The following ANKRD46 variants were observed in gnomAD, a reference collection of about 807,000 sequenced individuals.
ANKRD46 encodes ankyrin repeat domain 46, also known as ankyrin repeat domain-containing protein 46.
In ANKRD46, 13 loss-of-function variants were observed where a neutral mutation model predicts 19.8. The observed-to-expected ratio is 0.66, with a 90% confidence interval of 0.43 to 1.04. The LOEUF is 1.04. Among genes scored for constraint, ANKRD46 ranks in the 50% least tolerant of loss-of-function variants. ANKRD46 has a pLI of 0.00. For missense variants in ANKRD46, 185 were observed against 274.8 expected, an observed-to-expected ratio of 0.67 and a Z score of 2.31; for synonymous variants, 91 against 106.9, an observed-to-expected ratio of 0.85 and a Z score of 0.92.
chr8:100,528,039 TAAAG>T, intron 3 of ANKRD46, 36 bp from the exon 4 acceptor site: 1 of 1,462,616 alleles, frequency 6.8e-7, no homozygotes, highest in Non-Finnish European at 9.0e-7. Context: ...TTTATAAAAA[TAAAG>T]AAGCCATCAT....
At chr8:100,542,650 T>C (rs959751243) in intron 1 of ANKRD46, among the ~76,000 whole-genome samples, 10 of 152,094 alleles carry the variant, frequency 6.6e-5, no homozygotes, top group African/African-American at 2.4e-4. Context: ...GAGTAGGAAG[T>C]ACATGCTTAG....
Position 100,521,866 on chromosome 8 carries a change from T to C in ANKRD46, c.*689A>G, listed in dbSNP as rs1398672921. 4 of 984,962 alleles carry C rather than the reference T, an allele frequency of 4.1e-6. No homozygotes were observed. The highest frequency in any genetic ancestry group is 4.8e-6 in the Non-Finnish European group (4 of 829,582). The allele number at this position is 984,962 out of a possible 1,614,324, so 61.0% of individuals were successfully genotyped here. Reference sequence around the variant, plus strand: ...TTGGAAAGTGAACAAAATGAACTCATTTATTTTTCACAGATATTAACAAGC... The same window carrying C: ...TTGGAAAGTGAACAAAATGAACTCACTTATTTTTCACAGATATTAACAAGC... On this transcript the variant is annotated 3_prime_UTR_variant, in exon 5 of 5. Transcript: ENST00000335659.
In ANKRD46 at chr8:100,544,611, G is replaced by A. The variant is rs578108063; in HGVS notation, c.-130-11300C>T. 7.2e-5 allele frequency among the ~76,000 whole-genome samples: 11 copies of A among 152,180 alleles called. No individual in the cohort carries two copies. The East Asian group carries it at 1.3e-3, about 19-fold the overall frequency. ...CTAAGTACTAGACACCAATCAAAAC[G>A]TTTGTATCTTAGGTCCTAACTCGGC... On this transcript the variant is annotated intron_variant, in intron 1 of 4. Coordinates refer to ENST00000335659, the MANE Select transcript of ANKRD46 (RefSeq NM_001270377.2). This position sits in a 1 kb window ranked among gnomAD's most constrained non-coding sequence, Gnocchi z 4.4.
chr8:100,529,120 G>C lies in ANKRD46; in HGVS notation c.311+403C>G, dbSNP rs1002220775. 2.0e-5 allele frequency among the ~76,000 whole-genome samples: 3 copies of C among 152,134 alleles called. No homozygotes were observed. The highest frequency in any genetic ancestry group is 2.0e-4 in the Admixed American group (3 of 15,276). ...ATCCTCTATAAACTGTGTGAACTTTGTCCAATCCTTTTTTGTCTTCACTAT... is the reference window on the plus strand; with the variant it reads ...ATCCTCTATAAACTGTGTGAACTTTCTCCAATCCTTTTTTGTCTTCACTAT... On this transcript the variant is annotated intron_variant, in intron 3 of 4. Coordinates refer to ENST00000335659, the MANE Select transcript of ANKRD46 (RefSeq NM_001270377.2). This position sits in a 1 kb window ranked among gnomAD's most constrained non-coding sequence, Gnocchi z 5.8.
chr8:100,518,590 G>A (rs1003677074), downstream of ANKRD46, among the ~76,000 whole-genome samples: 1 of 152,118 alleles, frequency 6.6e-6, no homozygotes, highest in Non-Finnish European at 1.5e-5. Flanking sequence ...GGTGGCTCAC[G>A]CCTGTAATCC....
chr8:100,530,477 G>A lies in ANKRD46; in HGVS notation c.-27-617C>T, dbSNP rs1396184289. On this transcript the variant is annotated intron_variant, in intron 2 of 4. Coordinates refer to ENST00000335659, the MANE Select transcript of ANKRD46 (RefSeq NM_001270377.2). ...TGGCTCACTGCAACCTCCATCTCCC[G>A]AGTTCAAGCGATTCTCCTGCCTCAG... 4.0e-5 allele frequency among the ~76,000 whole-genome samples: 6 copies of A among 151,770 alleles called. No homozygotes were observed. The East Asian group carries it at 5.8e-4, about 15-fold the overall frequency.
At position 100,510,719 on chromosome 8, in the gene ANKRD46, T is replaced by C. The variant is rs757844230; in HGVS notation, c.637-80A>G. ...GCTGCAGAGATGTGCCAGGACCAGA[T>C]ACAATCATAAATATATAGAACCAGA... On this transcript the variant is annotated intron_variant, in intron 5 of 5. Coordinates refer to the ANKRD46 transcript ENST00000520552. This position sits in a 1 kb window ranked among gnomAD's most constrained non-coding sequence, Gnocchi z 4.9. The C allele has an allele frequency of 5.5e-6, 7 of 1,270,178 alleles. No individual in the cohort carries two copies. The highest frequency in any genetic ancestry group is 7.6e-6 in the Non-Finnish European group (7 of 926,982). 78.7% of individuals were successfully genotyped at this position (1,270,178 alleles called of 1,614,324 possible).
intron 1 of ANKRD46, among the ~76,000 whole-genome samples, chr8:100,547,548 G>C (rs771440256): frequency 6.6e-5 from 10 of 152,194 alleles, no homozygotes; most frequent in African/African-American, 1.2e-4. Flanking sequence ...CTTGAGCCTG[G>C]GAGCTTGAGG....
intron 4 of ANKRD46, 91 bp from the exon 5 acceptor site, chr8:100,522,862 A>C (rs1014375853): frequency 2.9e-6 from 2 of 683,424 alleles, no homozygotes. Flanking sequence ...GAAAAGACCA[A>C]ATACACACAC....
intron 1 of ANKRD46, chr8:100,551,794 T>C: frequency 2.3e-6 from 1 of 427,676 alleles, no homozygotes; most frequent in Non-Finnish European, 4.4e-6. Context: ...ACCTCTCTTT[T>C]TGTTGAGTTT....
rs1039481223 is a variant in ANKRD46, at chr8:100,545,921, T to C, written c.-130-12610A>G. Among the ~76,000 whole-genome samples, 2 of 152,200 alleles carry C rather than the reference T, an allele frequency of 1.3e-5. No individual in the cohort carries two copies. The highest frequency in any genetic ancestry group is 2.9e-5 in the Non-Finnish European group (2 of 68,030). On this transcript the variant is annotated intron_variant, in intron 1 of 4. Coordinates refer to ENST00000335659, the MANE Select transcript of ANKRD46 (RefSeq NM_001270377.2). The surrounding 1 kb of genome is among the most constrained non-coding windows in gnomAD (Gnocchi z 4.7). ...CCCTGACCTAGAGATCTGCGGAACT[T>C]TGAACTTGAGAGAGATGATTTAGGG...
At position 100,522,531 on chromosome 8, in the gene ANKRD46, T is replaced by C. The variant is rs769827601; in HGVS notation, c.*24A>G. On this transcript the variant is annotated 3_prime_UTR_variant, in exon 5 of 5. Coordinates refer to ENST00000335659, the MANE Select transcript of ANKRD46 (RefSeq NM_001270377.2). ...TGGAAGCCAGGAAACAGGCAATTAA[T>C]TGCCTCATCTTCCATGAGCTCCTTT... The C allele has an allele frequency of 2.1e-5, 34 of 1,611,398 alleles. No homozygotes were observed. Among genetic ancestry groups the C allele is most frequent in the Middle Eastern group, 1.6e-4 (1 of 6,078 alleles).
intron 1 of ANKRD46, among the ~76,000 whole-genome samples, chr8:100,539,982 G>A (rs1812143103): frequency 6.6e-6 from 1 of 152,164 alleles, no homozygotes; most frequent in Non-Finnish European, 1.5e-5. Context: ...CTGGAATTAA[G>A]CTTAATGAAA....
In ANKRD46 at chr8:100,510,446, G is replaced by A; in HGVS notation, c.*131C>T. 1 of 851,758 alleles carries A rather than the reference G, an allele frequency of 1.2e-6. No individual in the cohort carries two copies. The highest frequency in any genetic ancestry group is 1.7e-6 in the Non-Finnish European group (1 of 587,190). The allele number at this position is 851,758 out of a possible 1,614,324, so 52.8% of individuals were successfully genotyped here. A position where few individuals can be genotyped will look rare whatever the true frequency, so the allele number is the denominator to read the frequency against. On this transcript the variant is annotated 3_prime_UTR_variant, in exon 6 of 6. Coordinates refer to the ANKRD46 transcript ENST00000520552. The surrounding 1 kb of genome is among the most constrained non-coding windows in gnomAD (Gnocchi z 4.9). ...TAGCAGGTCCCTCTGCCTCCTAACT[G>A]CAGAGCTTTGAGATGATGCTCCATG...
At position 100,550,812 on chromosome 8, in the gene ANKRD46, C is replaced by T. The variant is rs2130703427; in HGVS notation, c.-131+8899G>A. The T allele has an allele frequency of 2.2e-6, 1 of 457,864 alleles. No homozygotes were observed. The highest frequency in any genetic ancestry group is 2.5e-5 in the Admixed American group (1 of 39,670). The allele number at this position is 457,864 out of a possible 1,614,324, so 28.4% of individuals were successfully genotyped here. ...GGAAATGAGCTTGACAAAGTGGTCA[C>T]TGAGGGCAATGGCAGCCCCAGCATC... On this transcript the variant is annotated intron_variant, in intron 1 of 4. Transcript: ENST00000335659. The surrounding 1 kb of genome is among the most constrained non-coding windows in gnomAD (Gnocchi z 4.4).
intron 4 of ANKRD46, among the ~76,000 whole-genome samples, chr8:100,523,709 T>C (rs1028065887): frequency 2.0e-5 from 3 of 152,076 alleles, no homozygotes; most frequent in Admixed American, 1.3e-4. Flanking sequence ...AGTGATGCGA[T>C]CTCAGCTCAC....
rs1811869347 is a variant in ANKRD46 at position 100,527,720 on chromosome 8, C to T, written c.470+125G>A. The T allele has an allele frequency of 4.3e-6, 4 of 938,648 alleles. No individual in the cohort carries two copies. Among genetic ancestry groups the T allele is most frequent in the Admixed American group, 5.6e-5 (2 of 35,758 alleles). 58.1% of individuals were successfully genotyped at this position (938,648 alleles called of 1,614,324 possible). On this transcript the variant is annotated intron_variant, in intron 4 of 4. Transcript: ENST00000335659. This position sits in a 1 kb window ranked among gnomAD's most constrained non-coding sequence, Gnocchi z 4.0. ...CCCCTTAAAAAATCGTATTATCTTG[C>T]TGGGTGTGGCTACATGTGCCTATAG... is the stretch of plus-strand genomic sequence containing the variant.
rs970009733 is a variant in ANKRD46 at position 100,559,729 on chromosome 8, G to C, written c.-149C>G. The C allele has an allele frequency of 1.3e-5, 2 of 153,372 alleles. No individual in the cohort carries two copies. Among genetic ancestry groups the C allele is most frequent in the Admixed American group, 6.5e-5 (1 of 15,314 alleles). The allele number at this position is 153,372 out of a possible 1,614,324, so 9.5% of individuals were successfully genotyped here. On this transcript the variant is annotated 5_prime_UTR_variant, in exon 1 of 5. Transcript: ENST00000335659. This position sits in a 1 kb window ranked among gnomAD's most constrained non-coding sequence, Gnocchi z 6.0. Reference sequence around the variant, plus strand: ...CAAGTACCTGCGACTCGAACGAGCAGCAGCGACAGCGGCAGCTTCAAGGAG... The same window carrying C: ...CAAGTACCTGCGACTCGAACGAGCACCAGCGACAGCGGCAGCTTCAAGGAG...
downstream of ANKRD46, chr8:100,520,724 T>C (rs1276080961): frequency 1.2e-6 from 1 of 831,144 alleles, no homozygotes; most frequent in Non-Finnish European, 1.4e-6. Flanking sequence ...AATCCCCAAA[T>C]TAAAACTATA....
Sources: allele counts gnomAD v4.1 joint callset (sites outside exome capture counted in the v4.1 genomes callset), GRCh38; gene constraint gnomAD v4.1.1; non-coding constraint Gnocchi (gnomAD v3.1); transcripts MANE v1.5; gene names NCBI Gene and HGNC (gene_info 2026-07-23, HGNC 2026-07-21).